Variants in OPCML observed in about 807,000 individuals in gnomAD.
OPCML encodes the protein opioid-binding protein/cell adhesion molecule.
In OPCML, 13 loss-of-function variants were observed where a neutral mutation model predicts 37.8. That is an observed-to-expected ratio of 0.34 (90% CI 0.22 to 0.55). The LOEUF is 0.55. OPCML is among the 20% of genes least tolerant of loss of function. The pLI, the probability that OPCML is intolerant of heterozygous loss-of-function variation, is 0.91. For missense variants in OPCML, 341 were observed against 435.6 expected (o/e 0.78, Z 1.93); for synonymous variants, 176 against 168.8 (o/e 1.04, Z -0.33).
intron 4 of OPCML, among the ~76,000 whole-genome samples, chr11:132,528,266 C>A (rs2512706): frequency 6.6e-6 from 1 of 151,838 alleles, no homozygotes; most frequent in Admixed American, 6.6e-5. Flanking sequence ...TGTTATGTAG[C>A]CATATTCCAT....
chr11:132,672,253 G>C (rs1287666131), intron 2 of OPCML, among the ~76,000 whole-genome samples: 1 of 152,046 alleles, frequency 6.6e-6, no homozygotes, highest in African/African-American at 2.4e-5. Flanking sequence ...AAGCCCTCGG[G>C]GATTGCAGCA....
At chr11:133,153,567 C>G (rs1439330391) in intron 1 of OPCML, among the ~76,000 whole-genome samples, 1 of 152,176 alleles carries the variant, frequency 6.6e-6, no homozygotes, top group Non-Finnish European at 1.5e-5. Context: ...CTTTCTGACA[C>G]TAGCCAACCT....
intron 2 of OPCML, among the ~76,000 whole-genome samples, chr11:132,709,323 A>G (rs1944165246): frequency 6.6e-6 from 1 of 152,226 alleles, no homozygotes; most frequent in African/African-American, 2.4e-5. Context: ...CAACGATAAT[A>G]CAGGGTGCTC....
At chr11:132,632,412 A>G (rs1940209217) in intron 3 of OPCML, among the ~76,000 whole-genome samples, 1 of 152,112 alleles carries the variant, frequency 6.6e-6, no homozygotes, top group Non-Finnish European at 1.5e-5. Flanking sequence ...CGAGAAGAGG[A>G]GGTGACACTA....
chr11:132,867,084 T>C (rs73041479), intron 2 of OPCML, among the ~76,000 whole-genome samples: 10,838 of 152,268 alleles, frequency 0.071, 488 homozygotes, highest in East Asian at 0.14. Context: ...GGTAATAATT[T>C]GAGCTCACTT....
At chr11:132,740,470 A>G (rs1945402332) in intron 2 of OPCML, among the ~76,000 whole-genome samples, 1 of 152,200 alleles carries the variant, frequency 6.6e-6, no homozygotes, top group Admixed American at 6.5e-5. Flanking sequence ...GTGTTAAGTT[A>G]TTCTGCCCTG....
chr11:133,265,293 C>T (rs183221762), intron 1 of OPCML, among the ~76,000 whole-genome samples: 46 of 152,240 alleles, frequency 3.0e-4, no homozygotes, highest in African/African-American at 1.0e-3. Flanking sequence ...CTCAGGGTAA[C>T]GGGTGTGGGG....
rs570810194 is a variant in OPCML at position 133,268,630 on chromosome 11, G to A, written c.61+263634C>T. Among the ~76,000 whole-genome samples, 97 of 152,238 alleles carry A rather than the reference G, an allele frequency of 6.4e-4. 1 individual carries two copies. The highest frequency in any genetic ancestry group is 2.2e-3 in the African/African-American group (93 of 41,534). On this transcript the variant is annotated intron_variant, in intron 1 of 7. Transcript: ENST00000524381. The stretch of plus-strand genomic sequence containing the variant: ...ATATGATTTAATTATAGATTGACAG[G>A]AAAAAGTGCAAAACCATAGATTAAC...
At chr11:133,166,874 G>A (rs940809826) in intron 1 of OPCML, among the ~76,000 whole-genome samples, 5 of 152,220 alleles carry the variant, frequency 3.3e-5, no homozygotes, top group African/African-American at 1.2e-4. Flanking sequence ...TTGGCATTGT[G>A]TTGGATCACT....
intron 1 of OPCML, among the ~76,000 whole-genome samples, chr11:133,257,436 T>G (rs1196304090): frequency 1.3e-5 from 2 of 152,212 alleles, no homozygotes; most frequent in Non-Finnish European, 2.9e-5. Context: ...ATAATAGGAA[T>G]CACGCTGCAT....
intron 2 of OPCML, among the ~76,000 whole-genome samples, chr11:132,867,954 A>G (rs1188590134): frequency 6.6e-6 from 1 of 152,244 alleles, no homozygotes; most frequent in Non-Finnish European, 1.5e-5. Context: ...CTGCATGCAG[A>G]GAAGTGACAA....
At chr11:133,215,732 G>A (rs1939557147) in intron 1 of OPCML, among the ~76,000 whole-genome samples, 2 of 152,118 alleles carry the variant, frequency 1.3e-5, no homozygotes, top group African/African-American at 2.4e-5. Flanking sequence ...CCTGGCAGGA[G>A]GCTGTACAAG....
intron 4 of OPCML, among the ~76,000 whole-genome samples, chr11:132,485,206 A>T (rs1306792699): frequency 6.6e-6 from 1 of 152,162 alleles, no homozygotes; most frequent in South Asian, 2.1e-4. Flanking sequence ...GAAAGGGAAC[A>T]CTGTCCCCCG....
intron 2 of OPCML, among the ~76,000 whole-genome samples, chr11:132,787,389 T>C (rs916296031): frequency 1.3e-5 from 2 of 152,206 alleles, no homozygotes; most frequent in African/African-American, 4.8e-5. Flanking sequence ...TAATAGGCCC[T>C]TTTGGTTTTA....
intron 2 of OPCML, among the ~76,000 whole-genome samples, chr11:132,887,339 G>A (rs144957456): frequency 1.5e-4 from 23 of 152,296 alleles, no homozygotes; most frequent in African/African-American, 4.3e-4. Context: ...CAACCACACC[G>A]CCTAATGAAG....
intron 1 of OPCML, among the ~76,000 whole-genome samples, chr11:133,387,080 C>T (rs1455475056): frequency 6.6e-6 from 1 of 152,206 alleles, no homozygotes; most frequent in Non-Finnish European, 1.5e-5. Flanking sequence ...TGTATCATAG[C>T]CTGTACAAAT....
intron 1 of OPCML, among the ~76,000 whole-genome samples, chr11:133,225,041 T>A (rs770986538): frequency 1.1e-4 from 17 of 152,226 alleles, no homozygotes; most frequent in Non-Finnish European, 1.8e-4. Context: ...ATGACAGCCA[T>A]GAAGTACTTG....
intron 2 of OPCML, among the ~76,000 whole-genome samples, chr11:132,830,438 C>A (rs1047306940): frequency 6.6e-6 from 1 of 152,182 alleles, no homozygotes; most frequent in Non-Finnish European, 1.5e-5. Context: ...AAACAGTGGC[C>A]TTGATTTGAT....
intron 1 of OPCML, among the ~76,000 whole-genome samples, chr11:133,190,797 G>A (rs1938274539): frequency 6.6e-6 from 1 of 152,078 alleles, no homozygotes; most frequent in South Asian, 2.1e-4. Context: ...CATCCATGTT[G>A]TAACATGTAT....
Sources: allele counts gnomAD v4.1 joint callset (sites outside exome capture counted in the v4.1 genomes callset), GRCh38; gene constraint gnomAD v4.1.1; transcripts MANE v1.5; gene names NCBI Gene and HGNC (gene_info 2026-07-23, HGNC 2026-07-21).